The following MGAT4C variants were observed in gnomAD, a reference collection of about 807,000 sequenced individuals.
MGAT4C encodes MGAT4 family member C.
In MGAT4C, 19 loss-of-function variants were observed where a neutral mutation model predicts 40.1. That is an observed-to-expected ratio of 0.47 (90% CI 0.33 to 0.70). MGAT4C has a LOEUF of 0.70. Among genes scored for constraint, MGAT4C ranks in the 30% least tolerant of loss-of-function variants. The pLI is 0.02. For missense variants in MGAT4C, 491 were observed against 563.2 expected, an observed-to-expected ratio of 0.87 and a Z score of 1.30; for synonymous variants, 181 against 187.1, an observed-to-expected ratio of 0.97 and a Z score of 0.27.
At chr12:86,808,024 C>A in intron 1 of MGAT4C, among the ~76,000 whole-genome samples, 1 of 151,694 alleles carries the variant, frequency 6.6e-6, no homozygotes, top group South Asian at 2.1e-4. Context: ...GATATTAGAC[C>A]TTTTCTGATG....
chr12:86,805,135 GATATA>G (rs1210052692), intron 1 of MGAT4C, among the ~76,000 whole-genome samples: 2 of 151,974 alleles, frequency 1.3e-5, no homozygotes, highest in African/African-American at 2.4e-5. Context: ...CAATGACTGT[GATATA>G]ATATGATATT....
chr12:86,242,810 C>T (rs1389763859), intron 1 of MGAT4C, among the ~76,000 whole-genome samples: 2 of 152,106 alleles, frequency 1.3e-5, no homozygotes, highest in African/African-American at 4.8e-5. Context: ...CACACATGTA[C>T]ACATACAACA....
intron 1 of MGAT4C, among the ~76,000 whole-genome samples, chr12:86,786,179 T>G (rs1005357255): frequency 3.9e-5 from 6 of 152,114 alleles, no homozygotes; most frequent in African/African-American, 1.4e-4. Context: ...GTCTAACAGA[T>G]AAACAGCTGA....
In MGAT4C at chr12:86,689,728, C is replaced by G. The variant is rs568215531; in HGVS notation, c.-229+37481G>C. ...CACCCGCCAGATGCCAGCCAGAGCT[C>G]TCCTGTAGGAGGTGTCTGTCGACCC... On this transcript the variant is annotated intron_variant, in intron 2 of 7. Coordinates refer to the MGAT4C transcript ENST00000548651. Among the ~76,000 whole-genome samples the G allele has an allele frequency of 3.5e-3, 529 of 152,256 alleles. 3 individuals are homozygous for G. The highest frequency in any genetic ancestry group is 0.012 in the African/African-American group (510 of 41,568).
chr12:86,204,326 A>C (rs1350135385), intron 1 of MGAT4C, among the ~76,000 whole-genome samples: 1 of 152,228 alleles, frequency 6.6e-6, no homozygotes, highest in East Asian at 1.9e-4. Flanking sequence ...ATGATATAAA[A>C]TAATTCTCGT....
chr12:86,306,655 A>T (rs914926664), intron 4 of MGAT4C, among the ~76,000 whole-genome samples: 1 of 150,532 alleles, frequency 6.6e-6, no homozygotes, highest in Non-Finnish European at 1.5e-5. Flanking sequence ...GTCAAAATTA[A>T]TGTAATAATA....
At position 85,975,283 on chromosome 12, in the gene MGAT4C, A is replaced by T. The variant is rs1032869710; in HGVS notation, c.*4006T>A. ...GTAAATTTTATAATTGTTATTGATT[A>T]CAATGAAGGCCTCTGGTAATGTTTT... On this transcript the variant is annotated 3_prime_UTR_variant, in exon 5 of 5. Coordinates refer to ENST00000611864, the MANE Select transcript of MGAT4C (RefSeq NM_001351288.2). 6.6e-6 allele frequency: 1 copy of T among 151,040 alleles called. No homozygotes were observed. The highest frequency in any genetic ancestry group is 1.5e-5 in the Non-Finnish European group (1 of 67,154). The allele number at this position is 151,040 out of a possible 1,614,324, so 9.4% of individuals were successfully genotyped here. A position where few individuals can be genotyped will look rare whatever the true frequency, so the allele number is the denominator to read the frequency against.
At chr12:86,395,775 C>T (rs1444386620) in intron 3 of MGAT4C, among the ~76,000 whole-genome samples, 1 of 152,118 alleles carries the variant, frequency 6.6e-6, no homozygotes, top group East Asian at 1.9e-4. Context: ...AATACAACTT[C>T]ATCTATTTTT....
intron 2 of MGAT4C, among the ~76,000 whole-genome samples, chr12:86,491,091 C>G (rs1958123600): frequency 6.6e-6 from 1 of 152,084 alleles, no homozygotes; most frequent in South Asian, 2.1e-4. Flanking sequence ...ACTCTCTAAA[C>G]CAGGAAGAAG....
intron 1 of MGAT4C, among the ~76,000 whole-genome samples, chr12:86,051,174 A>C (rs138052652): frequency 5.6e-4 from 85 of 152,190 alleles, no homozygotes; most frequent in African/African-American, 2.0e-3. Context: ...CAGGAAAAAC[A>C]GCATTGGTTT....
intron 1 of MGAT4C, among the ~76,000 whole-genome samples, chr12:86,150,692 T>A (rs1400033226): frequency 2.0e-5 from 3 of 152,296 alleles, no homozygotes; most frequent in Middle Eastern, 3.4e-3. Context: ...CTCAATAATT[T>A]GCTTGAAAAA....
intron 1 of MGAT4C, among the ~76,000 whole-genome samples, chr12:86,794,994 C>T (rs1952087989): frequency 6.6e-6 from 1 of 151,710 alleles, no homozygotes; most frequent in African/African-American, 2.4e-5. Flanking sequence ...AATTACTTTA[C>T]AATAAATCAT....
intron 2 of MGAT4C, among the ~76,000 whole-genome samples, chr12:86,017,314 G>A (rs1320132950): frequency 6.6e-6 from 1 of 151,990 alleles, no homozygotes; most frequent in African/African-American, 2.4e-5. Context: ...TGGTACTCTT[G>A]AAAACTTGCT....
intron 1 of MGAT4C, among the ~76,000 whole-genome samples, chr12:86,203,935 C>T (rs1486134245): frequency 7.9e-6 from 1 of 126,536 alleles, no homozygotes; most frequent in Non-Finnish European, 1.7e-5. Flanking sequence ...CCAGCCTGGG[C>T]AACGAGAGCG....
At chr12:86,216,608 A>G (rs1241344214) in intron 1 of MGAT4C, among the ~76,000 whole-genome samples, 1 of 152,182 alleles carries the variant, frequency 6.6e-6, no homozygotes, top group Non-Finnish European at 1.5e-5. Flanking sequence ...AATGTGTGTA[A>G]TATTTTTCTA....
intron 4 of MGAT4C, among the ~76,000 whole-genome samples, chr12:86,294,486 A>T (rs1330602900): frequency 1.3e-5 from 2 of 151,970 alleles, no homozygotes; most frequent in African/African-American, 4.8e-5. Flanking sequence ...TCTCCTCTGC[A>T]TGCAAATACA....
chr12:86,379,522 G>A (rs1955889757), intron 3 of MGAT4C, among the ~76,000 whole-genome samples: 1 of 151,984 alleles, frequency 6.6e-6, no homozygotes, highest in South Asian at 2.1e-4. Flanking sequence ...AGGTTATTTG[G>A]GAGCAGGGAA....
intron 2 of MGAT4C, among the ~76,000 whole-genome samples, chr12:86,530,774 A>C (rs1958968010): frequency 6.6e-6 from 1 of 152,094 alleles, no homozygotes; most frequent in Non-Finnish European, 1.5e-5. Flanking sequence ...CAATGAAAGA[A>C]GAAACTGTCC....
chr12:86,670,789 G>GA (rs1425597105), intron 2 of MGAT4C, among the ~76,000 whole-genome samples: 2 of 152,226 alleles, frequency 1.3e-5, no homozygotes, highest in East Asian at 1.9e-4. Context: ...CAATGCTAAA[G>GA]AAAAAATCTT....
Sources: gnomAD v4.1 joint callset for allele counts (sites outside exome capture counted in the v4.1 genomes callset) on GRCh38, gnomAD v4.1.1 for gene constraint, MANE v1.5 for transcripts, NCBI Gene and HGNC (gene_info 2026-07-23, HGNC 2026-07-21) for gene names.